The following SLC5A1 variants were observed in gnomAD, a reference collection of about 807,000 sequenced individuals.
SLC5A1 encodes the protein solute carrier family 5 member 1, also known as sodium/glucose cotransporter 1.
Under a neutral mutation model 73.5 loss-of-function variants are expected in SLC5A1, and 42 were observed. The ratio of observed to expected loss-of-function variants is 0.57; its 90% CI spans 0.45 to 0.74. SLC5A1 has a LOEUF of 0.74. Among genes scored for constraint, SLC5A1 ranks in the 30% least tolerant of loss-of-function variants. The probability of loss-of-function intolerance (pLI) is 0.00; values close to 1 mark genes in which losing one functional copy is unlikely to be tolerated. For missense variants in SLC5A1, 634 were observed against 855.4 expected (o/e 0.74, Z 3.23); for synonymous variants, 300 against 317.4 (o/e 0.95, Z 0.58).
chr22:32,074,177 A>C (rs1417010841), intron 5 of SLC5A1, among the ~76,000 whole-genome samples: 1 of 152,164 alleles, frequency 6.6e-6, no homozygotes, highest in African/African-American at 2.4e-5. Flanking sequence ...TGTGGACTGC[A>C]GTTGCCATGG....
At chr22:32,087,049 A>G (rs145179126) in intron 10 of SLC5A1, among the ~76,000 whole-genome samples, 2 of 152,316 alleles carry the variant, frequency 1.3e-5, no homozygotes, top group African/African-American at 4.8e-5. Context: ...TAGAGCCTTA[A>G]AAAGTCAAAT....
In SLC5A1 at chr22:32,047,047, T is replaced by C. The variant is rs535929902; in HGVS notation, c.136-2896T>C. Reference sequence around the variant, plus strand: ...CAAAGTAAAAAAAAATTGTAATGGCTGTGAACAAGGCATAAGTGAAGTCAT... The same window carrying C: ...CAAAGTAAAAAAAAATTGTAATGGCCGTGAACAAGGCATAAGTGAAGTCAT... On this transcript the variant is annotated intron_variant, in intron 1 of 14. Transcript: ENST00000266088. 4.1e-4 allele frequency among the ~76,000 whole-genome samples: 63 copies of C among 152,344 alleles called. 1 individual carries two copies. Among genetic ancestry groups the C allele is most frequent in the Middle Eastern group, 3.4e-3 (1 of 294 alleles).
At position 32,046,543 on chromosome 22, in the gene SLC5A1, C is replaced by A. The variant is rs114921262; in HGVS notation, c.135+3127C>A. ...TATTCCTTTTGGCTCTGGGCTCAGA[C>A]GCGATGTCCTGGAACTTCTCTCATT... is the stretch of plus-strand genomic sequence containing the variant. On this transcript the variant is annotated intron_variant, in intron 1 of 14. Coordinates refer to ENST00000266088, the MANE Select transcript of SLC5A1 (RefSeq NM_000343.4). Among the ~76,000 whole-genome samples, 9 of 152,242 alleles carry A rather than the reference C, an allele frequency of 5.9e-5. No homozygotes were observed. In the South Asian group the frequency reaches 1.7e-3, roughly 28 times the overall value.
chr22:32,088,246 T>G (rs1245931113), intron 10 of SLC5A1, among the ~76,000 whole-genome samples: 7 of 152,098 alleles, frequency 4.6e-5, no homozygotes, highest in Admixed American at 3.3e-4. Context: ...CAGAAAGATG[T>G]GTGGCATGCA....
In SLC5A1 at chr22:32,110,367, C is replaced by T. The variant is rs1714419296; in HGVS notation, c.*154C>T. The T allele has an allele frequency of 2.9e-6, 2 of 695,020 alleles. No homozygotes were observed. Among genetic ancestry groups the T allele is most frequent in the Middle Eastern group, 3.7e-4 (1 of 2,668 alleles). The allele number at this position is 695,020 out of a possible 1,614,324, so 43.1% of individuals were successfully genotyped here. On this transcript the variant is annotated 3_prime_UTR_variant, in exon 15 of 15. Transcript: ENST00000266088. Reference sequence around the variant, plus strand: ...TAATTATAGGCTAGCTGGAAGAAAACCATTAGTTTGCTGTTAATTTATGCA... The same window carrying T: ...TAATTATAGGCTAGCTGGAAGAAAATCATTAGTTTGCTGTTAATTTATGCA...
intron 2 of SLC5A1, among the ~76,000 whole-genome samples, chr22:32,062,635 G>T (rs2093965113): frequency 6.6e-6 from 1 of 152,144 alleles, no homozygotes; most frequent in Non-Finnish European, 1.5e-5. Flanking sequence ...GGAACATGGG[G>T]GAGAAATTCT....
At chr22:32,060,110 CACAT>C (rs1399975500) in intron 2 of SLC5A1, among the ~76,000 whole-genome samples, 4 of 149,526 alleles carry the variant, frequency 2.7e-5, no homozygotes, top group South Asian at 2.1e-4. Context: ...TATATACACA[CACAT>C]ATATATACAT....
rs1356413407 is a variant in SLC5A1 at position 32,110,291 on chromosome 22, G to A, written c.*78G>A. The A allele has an allele frequency of 8.6e-7, 1 of 1,166,298 alleles. No individual in the cohort carries two copies. Among genetic ancestry groups the A allele is most frequent in the Non-Finnish European group, 1.3e-6 (1 of 779,660 alleles). 72.2% of individuals were successfully genotyped at this position (1,166,298 alleles called of 1,614,324 possible). ...TTAGTCTCGTCCTGTGGTGTTGAAG[G>A]GAAATCAGCCAGTTGTAAATTTTGC... On this transcript the variant is annotated 3_prime_UTR_variant, in exon 15 of 15. Transcript: ENST00000266088.
At position 32,068,570 on chromosome 22, in the gene SLC5A1, C is replaced by A. The variant is rs771248492; in HGVS notation, c.447C>A (p.Ser149=). The A allele has an allele frequency of 6.2e-7, 1 of 1,613,726 alleles. No individual in the cohort carries two copies. The highest frequency in any genetic ancestry group is 1.7e-5 in the Admixed American group (1 of 60,012). Residue 149 remains serine (S), a synonymous_variant, in exon 5 of 15, where the codon TCC becomes TCA. Coordinates refer to ENST00000266088, the MANE Select transcript of SLC5A1 (RefSeq NM_000343.4). ...QRIQVYLSLL[S]LLLYIFTKIS... Reference sequence around the variant, plus strand: ...TCCAGGTCTACCTTTCCCTTCTGTCCCTGCTGCTCTACATTTTCACCAAGA... The same window carrying A: ...TCCAGGTCTACCTTTCCCTTCTGTCACTGCTGCTCTACATTTTCACCAAGA...
intron 2 of SLC5A1, among the ~76,000 whole-genome samples, chr22:32,062,898 G>A (rs1050697785): frequency 4.6e-5 from 7 of 152,310 alleles, no homozygotes; most frequent in Non-Finnish European, 1.0e-4. Flanking sequence ...CACAGACTAG[G>A]TGGCTTAAAC....
At chr22:32,049,871 G>A in intron 1 of SLC5A1, 72 bp from the exon 2 acceptor site, 1 of 1,147,196 alleles carries the variant, frequency 8.7e-7, no homozygotes, top group Non-Finnish European at 1.3e-6. Flanking sequence ...CACGAATGGG[G>A]AGGTATGTCC....
At chr22:32,105,647 C>G (rs1236145600) in intron 14 of SLC5A1, among the ~76,000 whole-genome samples, 1 of 152,074 alleles carries the variant, frequency 6.6e-6, no homozygotes, top group Non-Finnish European at 1.5e-5. Flanking sequence ...CTATAGCCAC[C>G]CTGTTGTGCT....
At chr22:32,066,845 C>T (rs1229524510) in intron 2 of SLC5A1, 90 bp from the exon 3 acceptor site, 8 of 894,162 alleles carry the variant, frequency 8.9e-6, no homozygotes, top group Admixed American at 1.8e-5. Context: ...TTGTCCTTCT[C>T]TTGGCTGACA....
At chr22:32,070,334 T>C (rs1327334223) in intron 5 of SLC5A1, among the ~76,000 whole-genome samples, 1 of 144,842 alleles carries the variant, frequency 6.9e-6, no homozygotes, top group Non-Finnish European at 1.5e-5. Flanking sequence ...TTCTTTGTCT[T>C]CCTTTTTGTG....
At chr22:32,049,168 T>TATATATATAATCTATATTATATATA (rs2093941604) in intron 1 of SLC5A1, among the ~76,000 whole-genome samples, 2 of 2,916 alleles carry the variant, frequency 6.9e-4, no homozygotes, top group Non-Finnish European at 1.1e-3. Flanking sequence ...ATATAATCTA[T>TATATATATAATCTATATTATATATA]ATCTATATCT....
At chr22:32,068,150 C>T (rs1486853479) in intron 4 of SLC5A1, 124 bp downstream of exon 4, 5 of 952,648 alleles carry the variant, frequency 5.2e-6, no homozygotes, top group Admixed American at 5.1e-5. Flanking sequence ...GGCTTTCACT[C>T]CCAGGTTATG....
At chr22:32,075,000 G>GAT (rs936185465) in intron 5 of SLC5A1, among the ~76,000 whole-genome samples, 4 of 151,090 alleles carry the variant, frequency 2.6e-5, no homozygotes, top group African/African-American at 9.7e-5. Context: ...GGGCTCAAGT[G>GAT]ATCATCCTGC....
chr22:32,064,733 G>A (rs1242514522), intron 2 of SLC5A1, among the ~76,000 whole-genome samples: 2 of 151,980 alleles, frequency 1.3e-5, no homozygotes, highest in Non-Finnish European at 2.9e-5. Flanking sequence ...TAATCTCTAC[G>A]CTTGCCTTTG....
At chr22:32,057,707 T>A (rs527392641) in intron 2 of SLC5A1, among the ~76,000 whole-genome samples, 1 of 152,214 alleles carries the variant, frequency 6.6e-6, no homozygotes, top group Non-Finnish European at 1.5e-5. Context: ...TTTATTTTCA[T>A]TGGAAAATAA....
Sources: gnomAD v4.1 joint callset for allele counts (sites outside exome capture counted in the v4.1 genomes callset) on GRCh38, gnomAD v4.1.1 for gene constraint, MANE v1.5 for transcripts, NCBI Gene and HGNC (gene_info 2026-07-23, HGNC 2026-07-21) for gene names.